RARB: variants seen among roughly 807,000 people sequenced by gnomAD.
The protein encoded by RARB is HBV-activated protein.
Under a neutral mutation model 51.9 loss-of-function variants are expected in RARB, and 17 were observed. The ratio of observed to expected loss-of-function variants is 0.33; its 90% CI spans 0.22 to 0.49. The LOEUF (loss-of-function observed/expected upper bound fraction) is 0.49, where lower values mean the gene tolerates loss of function less well. Among genes scored for constraint, RARB ranks in the 20% least tolerant of loss-of-function variants. The pLI is 0.99. For synonymous variants in RARB, 215 were observed against 195.4 expected (o/e 1.10, Z -0.84); for missense variants, 369 against 550.8 (o/e 0.67, Z 3.30).
At chr3:25,240,793 T>C (rs1274888399) in intron 5 of RARB, among the ~76,000 whole-genome samples, 1 of 152,192 alleles carries the variant, frequency 6.6e-6, no homozygotes, top group Non-Finnish European at 1.5e-5. Flanking sequence ...TGTAGTTTTC[T>C]TTTTTGTTGT....
At chr3:24,866,821 GT>G (rs1339552595) in intron 2 of RARB, among the ~76,000 whole-genome samples, 1 of 152,160 alleles carries the variant, frequency 6.6e-6, no homozygotes, top group African/African-American at 2.4e-5. Context: ...GGAGAGCAGG[GT>G]TTTATTATTC....
intron 5 of RARB, among the ~76,000 whole-genome samples, chr3:25,205,286 A>G (rs759678822): frequency 6.6e-6 from 1 of 152,200 alleles, no homozygotes; most frequent in Admixed American, 6.5e-5. Context: ...GCACAGTATT[A>G]GGGTGGGAGT....
chr3:24,987,294 G>A (rs187593071), intron 2 of RARB, among the ~76,000 whole-genome samples: 1 of 151,844 alleles, frequency 6.6e-6, no homozygotes, highest in African/African-American at 2.4e-5. Context: ...AACATTTCAA[G>A]GTAAAGACAC....
chr3:25,571,226 A>T (rs1700697973), intron 4 of RARB, among the ~76,000 whole-genome samples: 1 of 152,252 alleles, frequency 6.6e-6, no homozygotes, highest in Admixed American at 6.5e-5. Context: ...CTGGAAGCAG[A>T]GGTAGAACCT....
At chr3:24,995,240 T>C (rs1048059837) in intron 2 of RARB, among the ~76,000 whole-genome samples, 3 of 151,810 alleles carry the variant, frequency 2.0e-5, no homozygotes, top group Non-Finnish European at 4.4e-5. Flanking sequence ...TGTTTTTTTT[T>C]ATAGCTTTTG....
rs115482149 is a variant in RARB, at chr3:25,580,704, C to T, written c.768C>T (p.Ala256=). The change falls in exon 5 of 8, where the codon GCC becomes GCT. Residue 256 remains alanine (A), a synonymous_variant. Transcript: ENST00000330688. ...CAGACCAAATTACCCTGCTGAAGGC[C>T]GCCTGCCTGGACATCCTGGTATGTG... ...TIADQITLLK[A]ACLDILILRI... is the part of the protein sequence containing the mutation. 2.3e-4 allele frequency: 365 copies of T among 1,604,898 alleles called. 3 individuals are homozygous for T. In the East Asian group the frequency reaches 5.3e-3, roughly 23 times the overall value.
chr3:25,065,538 A>C (rs889841575), intron 3 of RARB, among the ~76,000 whole-genome samples: 1 of 152,242 alleles, frequency 6.6e-6, no homozygotes, highest in East Asian at 1.9e-4. Context: ...ATTCTAGTAA[A>C]GTCTTCTGTT....
intron 5 of RARB, among the ~76,000 whole-genome samples, chr3:25,315,750 A>G (rs947995287): frequency 3.6e-4 from 54 of 151,964 alleles, no homozygotes; most frequent in African/African-American, 1.2e-3. Context: ...AGTAGCTGGA[A>G]TTACAGGCAT....
intron 5 of RARB, among the ~76,000 whole-genome samples, chr3:25,401,658 C>T (rs530438856): frequency 1.3e-5 from 2 of 152,250 alleles, no homozygotes; most frequent in East Asian, 3.9e-4. Context: ...AGATTGGACA[C>T]CACAGAAGAA....
At position 25,007,600 on chromosome 3, in the gene RARB, A is replaced by AAAAAAAAAAAAACAAAAC. The variant is rs1342393781; in HGVS notation, c.-379-52521_-379-52520insAAAAAAAACAAAACAAAA. 2.1e-3 allele frequency among the ~76,000 whole-genome samples: 294 copies of AAAAAAAAAAAAACAAAAC among 143,326 alleles called. 16 individuals are homozygous for AAAAAAAAAAAAACAAAAC. Among genetic ancestry groups the AAAAAAAAAAAAACAAAAC allele is most frequent in the African/African-American group, 7.7e-3 (282 of 36,468 alleles). 94.0% of individuals were successfully genotyped at this position (143,326 alleles called of 152,430 possible). On this transcript the variant is annotated intron_variant, in intron 2 of 11. Coordinates refer to the RARB transcript ENST00000383772. ...ACAGAGTGAGACTGTCTCAAAAAAA[A>AAAAAAAAAAAAACAAAAC]AAAACAAAAAAACCTCATATTTTCT...
intron 5 of RARB, among the ~76,000 whole-genome samples, chr3:25,187,561 G>GT (rs149943090): frequency 6.6e-6 from 1 of 151,644 alleles, no homozygotes; most frequent in Non-Finnish European, 1.5e-5. Flanking sequence ...GAAAGGGAAA[G>GT]TTTTTTTTAA....
At chr3:25,105,345 C>T (rs149209447) in intron 3 of RARB, among the ~76,000 whole-genome samples, 23 of 147,228 alleles carry the variant, frequency 1.6e-4, no homozygotes, top group Admixed American at 7.6e-4. Flanking sequence ...GATAGTAAAA[C>T]GAGTGCTTTG....
intron 3 of RARB, among the ~76,000 whole-genome samples, chr3:25,102,147 A>G (rs1474841130): frequency 6.6e-6 from 1 of 152,182 alleles, no homozygotes; most frequent in Non-Finnish European, 1.5e-5. Context: ...CTAAGCATGC[A>G]CGTTAGCATT....
At chr3:25,077,910 T>C (rs942301857) in intron 3 of RARB, among the ~76,000 whole-genome samples, 7 of 152,214 alleles carry the variant, frequency 4.6e-5, no homozygotes, top group Admixed American at 3.9e-4. Context: ...TATCTCATTT[T>C]TCCTTTAATC....
At chr3:25,262,694 G>A (rs1703032049) in intron 5 of RARB, among the ~76,000 whole-genome samples, 1 of 152,086 alleles carries the variant, frequency 6.6e-6, no homozygotes, top group Admixed American at 6.6e-5. Context: ...TTTACCTTGT[G>A]CCCACCTGGG....
chr3:24,839,268 T>C (rs1702385926), intron 1 of RARB, among the ~76,000 whole-genome samples: 1 of 152,148 alleles, frequency 6.6e-6, no homozygotes, highest in South Asian at 2.1e-4. Flanking sequence ...AAGATACTGC[T>C]GCAGTGCTGT....
At chr3:25,250,746 T>G (rs1477604111) in intron 5 of RARB, among the ~76,000 whole-genome samples, 1 of 152,128 alleles carries the variant, frequency 6.6e-6, no homozygotes, top group East Asian at 1.9e-4. Context: ...TGCTTAGGAC[T>G]TGGCGGCTGT....
chr3:25,269,171 G>T (rs559926248), intron 5 of RARB, among the ~76,000 whole-genome samples: 4 of 152,070 alleles, frequency 2.6e-5, no homozygotes, highest in African/African-American at 9.7e-5. Context: ...TCAACTTTGG[G>T]CTGTTAAATA....
intron 5 of RARB, among the ~76,000 whole-genome samples, chr3:25,285,429 A>G (rs1703625640): frequency 6.6e-6 from 1 of 152,158 alleles, no homozygotes; most frequent in African/African-American, 2.4e-5. Context: ...AGGGGTTTGT[A>G]GGGCACATGA....
Sources: gnomAD v4.1 joint callset for allele counts (sites outside exome capture counted in the v4.1 genomes callset) on GRCh38, gnomAD v4.1.1 for gene constraint, MANE v1.5 for transcripts, NCBI Gene and HGNC (gene_info 2026-07-23, HGNC 2026-07-21) for gene names.